The following LHCGR variants were observed in gnomAD, a reference collection of about 807,000 sequenced individuals.
LHCGR encodes the protein luteinizing hormone/choriogonadotropin receptor.
In LHCGR, 55 loss-of-function variants were observed where a neutral mutation model predicts 60.7. The ratio of observed to expected loss-of-function variants is 0.91; its 90% CI spans 0.73 to 1.13. LHCGR has a LOEUF of 1.13. Ranked by LOEUF, LHCGR falls within the 50% of genes most tolerant of loss-of-function variation. The pLI, the probability that LHCGR is intolerant of heterozygous loss-of-function variation, is 0.00. For synonymous variants in LHCGR, 337 were observed against 316.5 expected (o/e 1.06, Z -0.69); for missense variants, 862 against 836.0 (o/e 1.03, Z -0.38).
chr2:48,698,509 A>G (rs1667234593), intron 9 of LHCGR, 106 bp downstream of exon 9: 1 of 881,550 alleles, frequency 1.1e-6, no homozygotes, highest in Admixed American at 1.8e-5. Flanking sequence ...GAGCTGGCCA[A>G]GAAGGTAGGG....
chr2:48,720,308 C>T (rs1668442755), intron 6 of LHCGR: 2 of 152,142 alleles, frequency 1.3e-5, no homozygotes, highest in African/African-American at 4.8e-5. Flanking sequence ...TGGTTTTCTT[C>T]TTCACCCTCC....
At chr2:48,699,009 G>C (rs900510846) in intron 8 of LHCGR, among the ~76,000 whole-genome samples, 1 of 151,912 alleles carries the variant, frequency 6.6e-6, no homozygotes, top group Admixed American at 6.5e-5. Context: ...GCCCGGCTAA[G>C]AGACCGGGGT....
At chr2:48,708,733 C>T (rs1667826421) in intron 8 of LHCGR, 7 of 607,242 alleles carry the variant, frequency 1.2e-5, no homozygotes, top group Middle Eastern at 4.4e-4. Context: ...ATCTAGCTTC[C>T]AGAACCATAA....
At chr2:48,748,714 T>G (rs191966148) in intron 1 of LHCGR, among the ~76,000 whole-genome samples, 1 of 152,192 alleles carries the variant, frequency 6.6e-6, no homozygotes, top group African/African-American at 2.4e-5. Context: ...CTTGTAGCTA[T>G]GTGAAAACTT....
intron 1 of LHCGR, among the ~76,000 whole-genome samples, chr2:48,747,923 A>G (rs1200288318): frequency 6.6e-6 from 1 of 152,090 alleles, no homozygotes; most frequent in Non-Finnish European, 1.5e-5. Context: ...CAGTGAGAGG[A>G]CCGAAGGCTT....
At chr2:48,710,483 A>G (rs893227116) in intron 7 of LHCGR, among the ~76,000 whole-genome samples, 2 of 152,248 alleles carry the variant, frequency 1.3e-5, no homozygotes, top group South Asian at 4.1e-4. Flanking sequence ...ATCTTTCTGT[A>G]TACTGATAAC....
intron 10 of LHCGR, among the ~76,000 whole-genome samples, chr2:48,693,539 G>T (rs1429065624): frequency 6.6e-6 from 1 of 152,178 alleles, no homozygotes; most frequent in Admixed American, 6.5e-5. Context: ...GTATCTTAGA[G>T]GGACATCTAG....
chr2:48,721,598 C>A (rs574597976), intron 6 of LHCGR: 16 of 439,184 alleles, frequency 3.6e-5, no homozygotes, highest in Non-Finnish European at 7.4e-5. Flanking sequence ...AAGTACTATA[C>A]AAAGGCAGTG....
intron 1 of LHCGR, among the ~76,000 whole-genome samples, chr2:48,745,535 C>T (rs7594589): frequency 0.2 from 29,748 of 151,776 alleles, 4,888 homozygotes; most frequent in African/African-American, 0.43. Flanking sequence ...AATGAGTTCA[C>T]GTCCTTTGTA....
chr2:48,730,556 A>G (rs778004627), intron 2 of LHCGR, among the ~76,000 whole-genome samples: 2 of 152,214 alleles, frequency 1.3e-5, no homozygotes, highest in African/African-American at 4.8e-5. Context: ...AAGATTGGAG[A>G]TGCACTGTGA....
intron 1 of LHCGR, among the ~76,000 whole-genome samples, chr2:48,741,159 C>T (rs1251303678): frequency 5.3e-5 from 8 of 150,876 alleles, no homozygotes; most frequent in Non-Finnish European, 7.4e-5. Flanking sequence ...TAAAAAGAAA[C>T]GAGCAAAGCC....
rs770259976 is a variant in LHCGR at position 48,688,217 on chromosome 2, T to C, written c.1580A>G (p.Tyr527Cys). The C allele has an allele frequency of 1.9e-6, 3 of 1,614,170 alleles. No individual in the cohort carries two copies. The highest frequency in any genetic ancestry group is 1.7e-5 in the Admixed American group (1 of 60,014). The change falls in exon 11 of 11, where the codon TAT becomes TGT. Residue 527 changes from tyrosine (Y) to cysteine (C), a missense_variant. Transcript: ENST00000294954. The surrounding 1 kb of genome is among the most constrained non-coding windows in gnomAD (Gnocchi z 5.2). The stretch of plus-strand genomic sequence containing the variant: ...ATTGAGAATCAGGATGGTTAATATA[T>C]AGACTTGTGAGAGAGTGGTTTCCAC... ...MDVETTLSQV[Y>C]ILTILILNVV...
At chr2:48,709,330 T>C (rs994809969) in intron 7 of LHCGR, among the ~76,000 whole-genome samples, 1 of 152,134 alleles carries the variant, frequency 6.6e-6, no homozygotes, top group South Asian at 2.1e-4. Context: ...ACCAGACAGC[T>C]GGATAAGGAT....
At chr2:48,754,952 G>C (rs183469199) in intron 1 of LHCGR, among the ~76,000 whole-genome samples, 50 of 145,602 alleles carry the variant, frequency 3.4e-4, no homozygotes, top group Non-Finnish European at 9.2e-5. Context: ...CCATGAGACT[G>C]AAGTTCAAGC....
intron 1 of LHCGR, among the ~76,000 whole-genome samples, chr2:48,749,054 A>G (rs1243407046): frequency 1.3e-5 from 2 of 152,236 alleles, no homozygotes; most frequent in South Asian, 2.1e-4. Context: ...ACCTCATTAC[A>G]TCAGAGTCAA....
intron 1 of LHCGR, among the ~76,000 whole-genome samples, chr2:48,737,111 G>C (rs1272977871): frequency 6.6e-6 from 1 of 152,220 alleles, no homozygotes; most frequent in Non-Finnish European, 1.5e-5. Flanking sequence ...AGGCTCTTTG[G>C]TCACTTGCCA....
rs1200356750 is a variant in LHCGR, at chr2:48,747,785, A to G, written c.161+7726T>C. Among the ~76,000 whole-genome samples the G allele has an allele frequency of 2.0e-5, 3 of 152,196 alleles. No individual in the cohort carries two copies. In the East Asian group the frequency reaches 5.8e-4, roughly 29 times the overall value. On this transcript the variant is annotated intron_variant, in intron 1 of 10. Coordinates refer to ENST00000294954, the MANE Select transcript of LHCGR (RefSeq NM_000233.4). ...ATTAAGTTAATCTCTTATGATTAAA[A>G]TGGTCAGAATTGATTTCTGGTGCTT...
At chr2:48,743,811 C>G (rs1246003697) in intron 1 of LHCGR, among the ~76,000 whole-genome samples, 1 of 152,078 alleles carries the variant, frequency 6.6e-6, no homozygotes. Context: ...TCTCACCACT[C>G]CTATTCAACA....
At chr2:48,744,003 A>G (rs1669589670) in intron 1 of LHCGR, among the ~76,000 whole-genome samples, 1 of 136,050 alleles carries the variant, frequency 7.4e-6, no homozygotes, top group South Asian at 2.3e-4. Flanking sequence ...AAGTCTCAGG[A>G]TACAAAATCA....
Sources: gnomAD v4.1 joint callset for allele counts (sites outside exome capture counted in the v4.1 genomes callset) on GRCh38, gnomAD v4.1.1 for gene constraint, Gnocchi (gnomAD v3.1) non-coding constraint, MANE v1.5 for transcripts, NCBI Gene and HGNC (gene_info 2026-07-23, HGNC 2026-07-21) for gene names.